CHSY3: variants seen among roughly 807,000 people sequenced by gnomAD.
CHSY3 encodes the protein N-acetylgalactosaminyl-proteoglycan 3-beta-glucuronosyltransferase 3.
Under a neutral mutation model 67.2 loss-of-function variants are expected in CHSY3, and 35 were observed. The ratio of observed to expected loss-of-function variants is 0.52; its 90% CI spans 0.40 to 0.69. The LOEUF (loss-of-function observed/expected upper bound fraction) is 0.69. Ranked by LOEUF, CHSY3 falls within the 30% of genes least tolerant of loss-of-function variation. The pLI, the probability that CHSY3 is intolerant of heterozygous loss-of-function variation, is 0.00. For missense variants in CHSY3, 1,069 were observed against 1,138.5 expected, an observed-to-expected ratio of 0.94 and a Z score of 0.88; for synonymous variants, 474 against 434.7, an observed-to-expected ratio of 1.09 and a Z score of -1.12.
intron 2 of CHSY3, among the ~76,000 whole-genome samples, chr5:130,011,181 T>C (rs1764048446): frequency 6.6e-6 from 1 of 151,998 alleles, no homozygotes; most frequent in South Asian, 2.1e-4. Context: ...AAAAAGAAAA[T>C]TTCAGGCCAG....
At chr5:130,061,393 C>G (rs1013720765) in intron 2 of CHSY3, among the ~76,000 whole-genome samples, 1 of 152,050 alleles carries the variant, frequency 6.6e-6, no homozygotes, top group Admixed American at 6.6e-5. Flanking sequence ...TTCGCATATA[C>G]AAAAATTAAC....
chr5:129,979,672 C>T (rs1762927037), intron 2 of CHSY3, among the ~76,000 whole-genome samples: 1 of 152,248 alleles, frequency 6.6e-6, no homozygotes, highest in East Asian at 1.9e-4. Context: ...TTCTATGGGT[C>T]TGAACAAATG....
chr5:130,079,018 T>C (rs1580712062), intron 2 of CHSY3, among the ~76,000 whole-genome samples: 1 of 152,298 alleles, frequency 6.6e-6, no homozygotes, highest in East Asian at 1.9e-4. Flanking sequence ...CAAAGGTTAT[T>C]ATGAGGATTG....
At chr5:130,159,924 A>T (rs1414592322) in intron 2 of CHSY3, among the ~76,000 whole-genome samples, 1 of 152,150 alleles carries the variant, frequency 6.6e-6, no homozygotes, top group African/African-American at 2.4e-5. Flanking sequence ...CTAACTAAAA[A>T]TCCCTAATAG....
chr5:129,981,125 G>A (rs1762972142), intron 2 of CHSY3, among the ~76,000 whole-genome samples: 1 of 151,932 alleles, frequency 6.6e-6, no homozygotes, highest in Admixed American at 6.6e-5. Context: ...GGAGGCTGAG[G>A]CAGGAGAATG....
At chr5:130,099,799 G>A (rs1361376358) in intron 2 of CHSY3, among the ~76,000 whole-genome samples, 2 of 152,116 alleles carry the variant, frequency 1.3e-5, no homozygotes, top group African/African-American at 4.8e-5. Context: ...AGTAAGCTAT[G>A]GCACATAATA....
intron 2 of CHSY3, among the ~76,000 whole-genome samples, chr5:129,932,108 A>ATC (rs1761330906): frequency 1.8e-4 from 4 of 22,608 alleles, no homozygotes; most frequent in African/African-American, 3.3e-4. Context: ...AAAACCATAT[A>ATC]TATATATATA....
At chr5:130,103,975 G>A (rs1323998350) in intron 2 of CHSY3, among the ~76,000 whole-genome samples, 1 of 151,800 alleles carries the variant, frequency 6.6e-6, no homozygotes, top group African/African-American at 2.4e-5. Flanking sequence ...CCTTGTTCTA[G>A]CCAGAGACTA....
chr5:130,116,245 T>C (rs563867666), intron 2 of CHSY3, among the ~76,000 whole-genome samples: 39 of 152,166 alleles, frequency 2.6e-4, no homozygotes, highest in Non-Finnish European at 4.0e-4. Context: ...ATCATACTAA[T>C]TATCTTAGAA....
At chr5:130,089,727 T>C (rs1766812198) in intron 2 of CHSY3, among the ~76,000 whole-genome samples, 2 of 152,142 alleles carry the variant, frequency 1.3e-5, no homozygotes, top group Non-Finnish European at 2.9e-5. Flanking sequence ...ACTGGATTTC[T>C]CTTATTTTGT....
intron 2 of CHSY3, among the ~76,000 whole-genome samples, chr5:130,057,696 T>G (rs1765579631): frequency 6.6e-6 from 1 of 152,208 alleles, no homozygotes; most frequent in Non-Finnish European, 1.5e-5. Flanking sequence ...TCTATAATTT[T>G]TGGCTTGCTT....
At chr5:129,922,957 G>C (rs139886720) in intron 2 of CHSY3, among the ~76,000 whole-genome samples, 1 of 152,160 alleles carries the variant, frequency 6.6e-6, no homozygotes. Flanking sequence ...GTAGATAATG[G>C]GGAGCTTTGA....
At chr5:130,062,538 CT>C (rs1322789045) in intron 2 of CHSY3, among the ~76,000 whole-genome samples, 1 of 152,042 alleles carries the variant, frequency 6.6e-6, no homozygotes, top group African/African-American at 2.4e-5. Context: ...CATGTACCCC[CT>C]GAATATAAAA....
rs562773030 is a variant in CHSY3 at position 129,932,945 on chromosome 5, G to A, written c.1086+24585G>A. 2.0e-4 allele frequency among the ~76,000 whole-genome samples: 30 copies of A among 152,174 alleles called. 1 individual carries two copies. In the South Asian group the frequency reaches 3.7e-3, roughly 19 times the overall value. On this transcript the variant is annotated intron_variant, in intron 2 of 2. Coordinates refer to ENST00000305031, the MANE Select transcript of CHSY3 (RefSeq NM_175856.5). ...AGACATAGGTTTTTATATTAACTCC[G>A]ACATTAGCTAGTTTATCACCTTGCT...
At chr5:129,974,734 A>G (rs1762747464) in intron 2 of CHSY3, among the ~76,000 whole-genome samples, 1 of 152,172 alleles carries the variant, frequency 6.6e-6, no homozygotes, top group African/African-American at 2.4e-5. Context: ...CAGCACATTG[A>G]AAATGTCACA....
chr5:130,001,984 A>G, intron 2 of CHSY3: 4 of 878,764 alleles, frequency 4.6e-6, no homozygotes, highest in Non-Finnish European at 5.5e-6. Flanking sequence ...CAATAAGCCA[A>G]TGCTTATAGT....
At chr5:129,963,229 T>C (rs1456330952) in intron 2 of CHSY3, among the ~76,000 whole-genome samples, 1 of 152,024 alleles carries the variant, frequency 6.6e-6, no homozygotes. Flanking sequence ...ATTACAGATA[T>C]GTTACATCTC....
intron 2 of CHSY3, among the ~76,000 whole-genome samples, chr5:130,054,194 C>T (rs561310528): frequency 6.6e-6 from 1 of 152,058 alleles, no homozygotes; most frequent in African/African-American, 2.4e-5. Flanking sequence ...TTCGCTGTGC[C>T]CATTCTCTTA....
At position 130,074,078 on chromosome 5, in the gene CHSY3, TG is replaced by T. The variant is rs199806088; in HGVS notation, c.1087-110150del. 5.1e-3 allele frequency among the ~76,000 whole-genome samples: 756 copies of T among 148,854 alleles called. 9 individuals carry two copies. Among genetic ancestry groups the T allele is most frequent in the African/African-American group, 0.019 (719 of 38,254 alleles). ...GAATACAAGTTATTTTTTTGTTTTTTGTTTTTTTTTGAGACAGAGTCTCGCT... is the reference window on the plus strand; with the variant it reads ...GAATACAAGTTATTTTTTTGTTTTTTTTTTTTTTTGAGACAGAGTCTCGCT... On this transcript the variant is annotated intron_variant, in intron 2 of 2. Coordinates refer to ENST00000305031, the MANE Select transcript of CHSY3 (RefSeq NM_175856.5).
Sources: gnomAD v4.1 joint callset for allele counts (sites outside exome capture counted in the v4.1 genomes callset) on GRCh38, gnomAD v4.1.1 for gene constraint, MANE v1.5 for transcripts, NCBI Gene and HGNC (gene_info 2026-07-23, HGNC 2026-07-21) for gene names.